The following CRB1 variants were observed in gnomAD, a reference collection of about 807,000 sequenced individuals.
CRB1 encodes the protein crumbs cell polarity complex component 1.
CRB1 carries 83 observed loss-of-function variants against 120.0 expected under a neutral mutation model. The observed-to-expected ratio is 0.69, with a 90% CI of 0.58 to 0.83. The LOEUF (loss-of-function observed/expected upper bound fraction) is 0.83. Ranked by LOEUF, CRB1 falls within the 40% of genes least tolerant of loss-of-function variation. The pLI is 0.00. For synonymous variants in CRB1, 625 were observed against 612.5 expected (o/e 1.02, Z -0.30); for missense variants, 1,699 against 1,687.6 (o/e 1.01, Z -0.12).
chr1:197,477,637 G>A (rs767136361), intron 11 of CRB1, 27 bp from the exon 12 acceptor site: 14 of 1,601,628 alleles, frequency 8.7e-6, no homozygotes, highest in East Asian at 2.2e-5. Context: ...TATAGAATTC[G>A]CATCCCAATG....
In CRB1 at chr1:197,272,622, A is replaced by T. The variant is rs1252803383; in HGVS notation, c.70+4140A>T. 2.0e-5 allele frequency among the ~76,000 whole-genome samples: 3 copies of T among 152,278 alleles called. No homozygotes were observed. The East Asian group carries it at 5.8e-4, about 29-fold the overall frequency. On this transcript the variant is annotated intron_variant, in intron 1 of 11. Transcript: ENST00000367400. ...AAAAAGAAATGAACTATCAAGTCAC[A>T]AAAGCACATGGAGGGAGCTTAAATA...
At chr1:197,330,627 T>C (rs913679980) in intron 2 of CRB1, among the ~76,000 whole-genome samples, 2 of 152,200 alleles carry the variant, frequency 1.3e-5, no homozygotes, top group Admixed American at 6.5e-5. Flanking sequence ...TAAGACCTAG[T>C]TCAAATATCA....
At chr1:197,404,441 CAAAAAAAA>C (rs558125777) in intron 5 of CRB1, among the ~76,000 whole-genome samples, 15 of 58,720 alleles carry the variant, frequency 2.6e-4, no homozygotes, top group African/African-American at 5.3e-4. Flanking sequence ...GACTCCGTCT[CAAAAAAAA>C]AAAAAAAAAA....
intron 11 of CRB1, among the ~76,000 whole-genome samples, chr1:197,446,146 C>T (rs1448350074): frequency 6.6e-6 from 1 of 151,158 alleles, no homozygotes; most frequent in Non-Finnish European, 1.5e-5. Context: ...GCTGAGATCA[C>T]ACCATTACAC....
intron 10 of CRB1, chr1:197,441,765 T>G (rs1665454605): frequency 4.9e-6 from 1 of 204,428 alleles, no homozygotes; most frequent in Admixed American, 5.9e-5. Flanking sequence ...AGGTCTGCCC[T>G]GCAGACTCCA....
intron 11 of CRB1, among the ~76,000 whole-genome samples, chr1:197,456,475 C>A (rs1371217178): frequency 6.6e-6 from 1 of 152,022 alleles, no homozygotes; most frequent in Non-Finnish European, 1.5e-5. Context: ...ATAGTAAGTA[C>A]AAAATTGTCC....
chr1:197,341,038 A>G (rs1659424395), intron 2 of CRB1, among the ~76,000 whole-genome samples: 1 of 152,084 alleles, frequency 6.6e-6, no homozygotes, highest in South Asian at 2.1e-4. Context: ...AAACCATCAG[A>G]TCTTGTGAGA....
At chr1:197,275,453 A>G (rs578039678) in intron 1 of CRB1, among the ~76,000 whole-genome samples, 1 of 152,186 alleles carries the variant, frequency 6.6e-6, no homozygotes, top group East Asian at 1.9e-4. Flanking sequence ...TTATGTTTCA[A>G]GAGACATTAT....
chr1:197,411,514 C>G (rs552455327), intron 5 of CRB1, among the ~76,000 whole-genome samples: 1 of 152,172 alleles, frequency 6.6e-6, no homozygotes, highest in Non-Finnish European at 1.5e-5. Flanking sequence ...AGAGTTAACT[C>G]TTTACTTCAG....
At chr1:197,429,313 A>C (rs1269380096) in intron 7 of CRB1, 136 bp from the exon 8 acceptor site, 2 of 1,328,834 alleles carry the variant, frequency 1.5e-6, no homozygotes, top group East Asian at 4.7e-5. Flanking sequence ...TTTAGTTAAC[A>C]ATGGATCTTA....
At chr1:197,333,912 G>T (rs1659001021) in intron 2 of CRB1, among the ~76,000 whole-genome samples, 3 of 152,168 alleles carry the variant, frequency 2.0e-5, no homozygotes. Flanking sequence ...ATTTATCAAG[G>T]TCAGAGTATT....
intron 1 of CRB1, 139 bp downstream of exon 1, chr1:197,268,621 T>A (rs905272868): frequency 4.5e-6 from 3 of 669,528 alleles, no homozygotes; most frequent in African/African-American, 1.8e-5. Context: ...TTTTTAAGTG[T>A]CCTGTGTTAA....
At chr1:197,350,001 G>A (rs541571769) in intron 4 of CRB1, among the ~76,000 whole-genome samples, 3 of 151,748 alleles carry the variant, frequency 2.0e-5, no homozygotes, top group Non-Finnish European at 4.4e-5. Flanking sequence ...TCGGGAGGCT[G>A]AGGCAGGAGA....
chr1:197,214,156 A>G, the CRB1 span, among the ~76,000 whole-genome samples: 1 of 152,182 alleles, frequency 6.6e-6, no homozygotes, highest in African/African-American at 2.4e-5. Flanking sequence ...ACCTTTAGCT[A>G]GACTAAGAAA....
intron 11 of CRB1, chr1:197,443,846 C>A (rs10922231): frequency 6.6e-6 from 1 of 151,788 alleles, no homozygotes; most frequent in African/African-American, 2.4e-5. Flanking sequence ...TCCACCAGTA[C>A]GTTATCATTT....
intron 5 of CRB1, among the ~76,000 whole-genome samples, chr1:197,406,036 G>A (rs1262229507): frequency 4.6e-5 from 7 of 152,074 alleles, no homozygotes; most frequent in Non-Finnish European, 8.8e-5. Context: ...TGGGAAGTGA[G>A]GAGCCCCTCT....
At chr1:197,236,536 G>C in the CRB1 span, among the ~76,000 whole-genome samples, 1 of 152,106 alleles carries the variant, frequency 6.6e-6, no homozygotes, top group Non-Finnish European at 1.5e-5. Flanking sequence ...TGCACTGGCT[G>C]AAACTTTCAG....
At chr1:197,387,754 T>C (rs746792253) in intron 5 of CRB1, among the ~76,000 whole-genome samples, 7 of 151,996 alleles carry the variant, frequency 4.6e-5, no homozygotes, top group Non-Finnish European at 1.0e-4. Context: ...TTTTTTAAAC[T>C]GTTTTTACTA....
At chr1:197,242,641 T>C in the CRB1 span, among the ~76,000 whole-genome samples, 1,081 of 152,238 alleles carry the variant, frequency 7.1e-3, 16 homozygotes, top group African/African-American at 0.022. Context: ...AAATTTTCTT[T>C]TGTTGTGTCT....
Sources: allele counts gnomAD v4.1 joint callset (sites outside exome capture counted in the v4.1 genomes callset), GRCh38; gene constraint gnomAD v4.1.1; transcripts MANE v1.5; gene names NCBI Gene and HGNC (gene_info 2026-07-23, HGNC 2026-07-21).